INPP4B: variants seen among roughly 807,000 people sequenced by gnomAD.
The protein encoded by INPP4B is inositol polyphosphate 4-phosphatase type II.
INPP4B carries 55 observed loss-of-function variants against 122.5 expected under a neutral mutation model. The observed-to-expected ratio is 0.45, with a 90% confidence interval of 0.36 to 0.56. The LOEUF (loss-of-function observed/expected upper bound fraction) is 0.56, where lower values mean the gene tolerates loss of function less well. Ranked by LOEUF, INPP4B falls within the 20% of genes least tolerant of loss-of-function variation. INPP4B has a pLI of 0.00. For synonymous variants in INPP4B, 403 were observed against 388.7 expected, an observed-to-expected ratio of 1.04 and a Z score of -0.43; for missense variants, 1,000 against 1,097.7, an observed-to-expected ratio of 0.91 and a Z score of 1.26.
intron 21 of INPP4B, among the ~76,000 whole-genome samples, chr4:142,120,206 A>T (rs1356684720): frequency 6.6e-6 from 1 of 151,622 alleles, no homozygotes; most frequent in African/African-American, 2.4e-5. Context: ...AATCTACATT[A>T]TATACTTATG....
chr4:142,638,848 G>A (rs1749748436), intron 2 of INPP4B, among the ~76,000 whole-genome samples: 2 of 152,072 alleles, frequency 1.3e-5, no homozygotes, highest in African/African-American at 4.8e-5. Flanking sequence ...GCCCGGCCTA[G>A]TTGTCTATTC....
chr4:142,758,298 T>G (rs924937747), intron 1 of INPP4B, among the ~76,000 whole-genome samples: 3 of 152,104 alleles, frequency 2.0e-5, no homozygotes, highest in Non-Finnish European at 4.4e-5. Context: ...AGGTTTGACA[T>G]GTGAAGAGTT....
intron 2 of INPP4B, among the ~76,000 whole-genome samples, chr4:142,545,430 C>T (rs1829432113): frequency 6.6e-6 from 1 of 152,054 alleles, no homozygotes. Flanking sequence ...CTGAGGGTCA[C>T]TGAGCTAGTA....
intron 21 of INPP4B, 129 bp downstream of exon 21, chr4:142,121,999 C>T (rs1194044912): frequency 4.7e-6 from 3 of 640,936 alleles, no homozygotes; most frequent in East Asian, 2.9e-5. Flanking sequence ...TATTTCTTAC[C>T]AAAAAGGAAA....
chr4:142,690,522 A>T (rs999312248), intron 2 of INPP4B, among the ~76,000 whole-genome samples: 5 of 152,078 alleles, frequency 3.3e-5, no homozygotes, highest in African/African-American at 1.2e-4. Flanking sequence ...TGCCTTCAAA[A>T]TTTTCTTCAC....
chr4:142,128,855 T>C (rs1378394552), intron 18 of INPP4B, among the ~76,000 whole-genome samples: 5 of 152,164 alleles, frequency 3.3e-5, no homozygotes, highest in African/African-American at 1.2e-4. Context: ...ACTCTTATGT[T>C]ACTCAGGAGA....
intron 9 of INPP4B, among the ~76,000 whole-genome samples, chr4:142,279,862 G>T (rs570701784): frequency 6.6e-6 from 1 of 151,852 alleles, no homozygotes; most frequent in Non-Finnish European, 1.5e-5. Flanking sequence ...CAAAGAACTT[G>T]TATCCAAAGT....
chr4:142,514,695 T>C (rs1439688338), intron 2 of INPP4B: 1 of 151,784 alleles, frequency 6.6e-6, no homozygotes, highest in African/African-American at 2.4e-5. Context: ...TGTAGAGAAC[T>C]CAGCTTAGAG....
intron 7 of INPP4B, among the ~76,000 whole-genome samples, chr4:142,358,508 T>G (rs1784341541): frequency 6.6e-6 from 1 of 151,782 alleles, no homozygotes; most frequent in African/African-American, 2.4e-5. Context: ...GATGAACAGC[T>G]CTACTCTAGA....
At chr4:142,602,372 G>T (rs1296883721) in intron 2 of INPP4B, among the ~76,000 whole-genome samples, 1 of 152,050 alleles carries the variant, frequency 6.6e-6, no homozygotes, top group Admixed American at 6.6e-5. Context: ...TGGATAGAAA[G>T]AATCAATATT....
intron 3 of INPP4B, among the ~76,000 whole-genome samples, chr4:142,436,143 G>C (rs1354168028): frequency 6.6e-6 from 1 of 152,078 alleles, no homozygotes; most frequent in Non-Finnish European, 1.5e-5. Context: ...GGCAGACTAC[G>C]GCCAGATTGC....
At chr4:142,039,726 T>C (rs1465601603) in intron 25 of INPP4B, among the ~76,000 whole-genome samples, 4 of 152,082 alleles carry the variant, frequency 2.6e-5, no homozygotes, top group African/African-American at 9.7e-5. Context: ...TTGGATCAAG[T>C]CTACAGAGAA....
intron 1 of INPP4B, among the ~76,000 whole-genome samples, chr4:142,803,396 T>C (rs1778270353): frequency 6.6e-6 from 1 of 151,854 alleles, no homozygotes; most frequent in Non-Finnish European, 1.5e-5. Flanking sequence ...TGAAAAGTGC[T>C]GAATATTGTC....
At chr4:142,223,787 A>G (rs566357828) in intron 12 of INPP4B, among the ~76,000 whole-genome samples, 4 of 152,222 alleles carry the variant, frequency 2.6e-5, no homozygotes, top group African/African-American at 9.6e-5. Flanking sequence ...AGAAGAAATA[A>G]TATTAATCAG....
intron 12 of INPP4B, among the ~76,000 whole-genome samples, chr4:142,223,277 T>C (rs1404918068): frequency 6.6e-6 from 1 of 152,112 alleles, no homozygotes; most frequent in Non-Finnish European, 1.5e-5. Flanking sequence ...CTATAGTAGC[T>C]CTGCCAGACA....
At chr4:142,585,932 C>T (rs1328080913) in intron 2 of INPP4B, among the ~76,000 whole-genome samples, 1 of 151,500 alleles carries the variant, frequency 6.6e-6, no homozygotes, top group South Asian at 2.1e-4. Flanking sequence ...CATAGGTGTA[C>T]GTGTGCCATG....
chr4:142,599,637 T>C (rs543865489), intron 2 of INPP4B, among the ~76,000 whole-genome samples: 1 of 151,764 alleles, frequency 6.6e-6, no homozygotes, highest in Non-Finnish European at 1.5e-5. Context: ...AAGAAAATAA[T>C]AACACCTCCA....
rs780836084 is a variant in INPP4B at position 142,148,568 on chromosome 4, A to T, written c.1564-2572T>A. 2.0e-5 allele frequency among the ~76,000 whole-genome samples: 3 copies of T among 152,192 alleles called. No individual in the cohort carries two copies. The South Asian group carries it at 6.2e-4, about 31-fold the overall frequency. On this transcript the variant is annotated intron_variant, in intron 17 of 25. Transcript: ENST00000262992. Reference sequence around the variant, plus strand: ...TCGCGTTGCATGTTGCTTTTCTTATATAAAGGAATGTAAGGGATAGAACAA... The same window carrying T: ...TCGCGTTGCATGTTGCTTTTCTTATTTAAAGGAATGTAAGGGATAGAACAA...
intron 11 of INPP4B, among the ~76,000 whole-genome samples, chr4:142,251,224 G>T (rs796298541): frequency 3.3e-5 from 5 of 152,196 alleles, no homozygotes; most frequent in African/African-American, 1.2e-4. Flanking sequence ...ATATAAAAAA[G>T]TTACGGGGTT....
Sources: gnomAD v4.1 joint callset for allele counts (sites outside exome capture counted in the v4.1 genomes callset) on GRCh38, gnomAD v4.1.1 for gene constraint, MANE v1.5 for transcripts, NCBI Gene and HGNC (gene_info 2026-07-23, HGNC 2026-07-21) for gene names.